ZMAT4: variants seen among roughly 807,000 people sequenced by gnomAD.
ZMAT4 encodes the protein zinc finger matrin-type 4.
ZMAT4 carries 17 observed loss-of-function variants against 28.7 expected under a neutral mutation model. The ratio of observed to expected loss-of-function variants is 0.59; its 90% CI spans 0.41 to 0.89. The LOEUF (loss-of-function observed/expected upper bound fraction) is 0.89. Ranked by LOEUF, ZMAT4 falls within the 40% of genes least tolerant of loss-of-function variation. The pLI, the probability that ZMAT4 is intolerant of heterozygous loss-of-function variation, is 0.00. For synonymous variants in ZMAT4, 117 were observed against 109.2 expected (o/e 1.07, Z -0.44); for missense variants, 240 against 283.8 (o/e 0.85, Z 1.11).
At chr8:40,695,996 T>A (rs955463228) in intron 4 of ZMAT4, among the ~76,000 whole-genome samples, 1 of 152,020 alleles carries the variant, frequency 6.6e-6, no homozygotes, top group Non-Finnish European at 1.5e-5. Flanking sequence ...AGGTGTCTAT[T>A]TTAAGAGATT....
chr8:40,826,240 A>T (rs1348075881), intron 1 of ZMAT4, among the ~76,000 whole-genome samples: 1 of 152,236 alleles, frequency 6.6e-6, no homozygotes, highest in Non-Finnish European at 1.5e-5. Context: ...TCACACTAGA[A>T]AACTATGTGG....
intron 6 of ZMAT4, among the ~76,000 whole-genome samples, chr8:40,567,618 G>A (rs1183343893): frequency 6.6e-6 from 1 of 150,772 alleles, no homozygotes; most frequent in African/African-American, 2.4e-5. Context: ...GGAATCACTT[G>A]AACCCCCCTG....
intron 4 of ZMAT4, among the ~76,000 whole-genome samples, chr8:40,695,345 T>G (rs1585891792): frequency 6.6e-6 from 1 of 152,174 alleles, no homozygotes; most frequent in African/African-American, 2.4e-5. Flanking sequence ...ATCTGTCTGG[T>G]GCTGCCACTT....
At chr8:40,704,086 A>C (rs1437715796) in intron 3 of ZMAT4, among the ~76,000 whole-genome samples, 1 of 152,240 alleles carries the variant, frequency 6.6e-6, no homozygotes, top group Non-Finnish European at 1.5e-5. Context: ...GTCATCTGAT[A>C]CCTTCTGCTA....
chr8:40,688,939 C>T (rs908582105), intron 4 of ZMAT4, among the ~76,000 whole-genome samples: 2 of 152,240 alleles, frequency 1.3e-5, no homozygotes, highest in African/African-American at 4.8e-5. Context: ...GTCTGAGAGG[C>T]AAAGGGATCT....
intron 2 of ZMAT4, among the ~76,000 whole-genome samples, chr8:40,791,484 C>G (rs1045075638): frequency 6.6e-6 from 1 of 152,164 alleles, no homozygotes; most frequent in African/African-American, 2.4e-5. Flanking sequence ...TCTGATCCTC[C>G]AAAAACCCTA....
At chr8:40,631,876 A>C (rs1806596930) in intron 5 of ZMAT4, among the ~76,000 whole-genome samples, 1 of 152,212 alleles carries the variant, frequency 6.6e-6, no homozygotes, top group African/African-American at 2.4e-5. Flanking sequence ...ATGGCAATCC[A>C]TTTTTCAGTT....
chr8:40,821,727 A>G (rs1815837032), intron 2 of ZMAT4, among the ~76,000 whole-genome samples: 1 of 152,182 alleles, frequency 6.6e-6, no homozygotes, highest in South Asian at 2.1e-4. Context: ...TGCCCTGACC[A>G]CCACCAACTA....
chr8:40,678,722 T>C (rs1251257636), intron 4 of ZMAT4, among the ~76,000 whole-genome samples: 1 of 152,198 alleles, frequency 6.6e-6, no homozygotes, highest in Non-Finnish European at 1.5e-5. Flanking sequence ...TTGCATTGGC[T>C]CTCTTCTAGT....
chr8:40,873,665 T>C (rs780954187), intron 1 of ZMAT4, among the ~76,000 whole-genome samples: 11 of 152,214 alleles, frequency 7.2e-5, no homozygotes, highest in Non-Finnish European at 1.3e-4. Context: ...CTGCCTGCCA[T>C]GCTCTGCCCA....
intron 2 of ZMAT4, among the ~76,000 whole-genome samples, chr8:40,801,356 A>ATATATATATATATATATG (rs1814835339): frequency 2.1e-5 from 3 of 139,672 alleles, no homozygotes; most frequent in African/African-American, 8.2e-5. Context: ...AAAAAAATAT[A>ATATATATATATATATATG]TATATATATA....
At chr8:40,664,460 A>C (rs1449515093) in intron 5 of ZMAT4, among the ~76,000 whole-genome samples, 1 of 152,186 alleles carries the variant, frequency 6.6e-6, no homozygotes, top group Non-Finnish European at 1.5e-5. Flanking sequence ...ATCCAAGTAT[A>C]ATTTCCATTA....
chr8:40,686,328 A>C (rs1171958054), intron 4 of ZMAT4, among the ~76,000 whole-genome samples: 1 of 152,022 alleles, frequency 6.6e-6, no homozygotes, highest in Admixed American at 6.6e-5. Flanking sequence ...CAGCCTGGAC[A>C]ACATAGTGAG....
At chr8:40,579,186 A>T (rs1433693563) in intron 6 of ZMAT4, among the ~76,000 whole-genome samples, 1 of 152,198 alleles carries the variant, frequency 6.6e-6, no homozygotes, top group Non-Finnish European at 1.5e-5. Flanking sequence ...CATTTTTCTG[A>T]ATCTGGAGGT....
chr8:40,623,112 GGAGGAATAATAAGGACAGTGCAAAGCACT>G (rs1406172155), intron 5 of ZMAT4, among the ~76,000 whole-genome samples: 3 of 152,134 alleles, frequency 2.0e-5, no homozygotes, highest in Non-Finnish European at 4.4e-5. Context: ...CTGTCTTATT[GGAGGAATAATAAGGACAGTGCAAAGCACT>G]GAGCAAAATG....
At chr8:40,637,610 T>A (rs2599650) in intron 5 of ZMAT4, among the ~76,000 whole-genome samples, 86,333 of 152,084 alleles carry the variant, frequency 0.57, 25,106 homozygotes, top group East Asian at 0.69. Context: ...TAGGTGGGTC[T>A]TTTGCTGCAA....
At chr8:40,810,723 G>A (rs1815282005) in intron 2 of ZMAT4, among the ~76,000 whole-genome samples, 1 of 152,044 alleles carries the variant, frequency 6.6e-6, no homozygotes, top group South Asian at 2.1e-4. Context: ...AAATGGAAAA[G>A]CTTAAAAGTA....
intron 5 of ZMAT4, among the ~76,000 whole-genome samples, chr8:40,584,015 T>C (rs539643114): frequency 1.3e-4 from 20 of 152,224 alleles, no homozygotes; most frequent in African/African-American, 4.8e-4. Flanking sequence ...TGAAGGCAAA[T>C]TGTGAGGGAG....
intron 2 of ZMAT4, among the ~76,000 whole-genome samples, chr8:40,810,264 C>G (rs1235965700): frequency 6.6e-6 from 1 of 152,104 alleles, no homozygotes; most frequent in African/African-American, 2.4e-5. Flanking sequence ...GATTCAAAAG[C>G]ATACACTAAA....
Sources: gnomAD v4.1 joint callset for allele counts (sites outside exome capture counted in the v4.1 genomes callset) on GRCh38, gnomAD v4.1.1 for gene constraint, MANE v1.5 for transcripts, NCBI Gene and HGNC (gene_info 2026-07-23, HGNC 2026-07-21) for gene names.